SEZ6L2: variants seen among roughly 807,000 people sequenced by gnomAD.
SEZ6L2 encodes the protein seizure related 6 homolog like 2.
Under a neutral mutation model 97.0 loss-of-function variants are expected in SEZ6L2, and 44 were observed. That is an observed-to-expected ratio of 0.45 (90% confidence interval 0.36 to 0.58). SEZ6L2 has a LOEUF of 0.58. SEZ6L2 is among the 20% of genes least tolerant of loss of function. The pLI is 0.00. For synonymous variants in SEZ6L2, 543 were observed against 546.1 expected (o/e 0.99, Z 0.08); for missense variants, 1,086 against 1,233.3 (o/e 0.88, Z 1.79).
At chr16:29,898,888 G>A in intron 1 of SEZ6L2, 53 bp downstream of exon 1, 1 of 1,406,346 alleles carries the variant, frequency 7.1e-7, no homozygotes, top group Non-Finnish European at 9.9e-7. Context: ...GGAGGGTGGA[G>A]GACCCCGCTG....
intron 17 of SEZ6L2, 64 bp from the exon 18 acceptor site, chr16:29,871,792 G>T: frequency 6.8e-7 from 1 of 1,474,010 alleles, no homozygotes; most frequent in Non-Finnish European, 9.4e-7. Context: ...CAGCCGAATG[G>T]GAGGAGGGGC....
chr16:29,895,438 T>C lies in SEZ6L2; in HGVS notation c.674A>G (p.Gln225Arg), dbSNP rs144818584. The change falls in exon 5 of 18, where the codon CAG becomes CGG. Residue 225 changes from glutamine (Q) to arginine (R), a missense_variant. Gln to Arg is a conservative substitution (Grantham distance 43). Transcript: ENST00000617533. ...EIQVQTLNLS[Q>R]EEELLVLAGG... ...AGCCAGCACCAGGAGCTCCTCTTCC[T>C]GTGACAGGTTCAGCGTCTGCACCTA... 3.1e-6 allele frequency: 5 copies of C among 1,613,944 alleles called. No individual in the cohort carries two copies. In the African/African-American group the frequency reaches 6.7e-5, roughly 22 times the overall value.
intron 9 of SEZ6L2, among the ~76,000 whole-genome samples, chr16:29,878,994 G>A (rs2067973833): frequency 2.0e-5 from 3 of 150,538 alleles, no homozygotes; most frequent in East Asian, 2.0e-4. Flanking sequence ...TCTCCACCTC[G>A]CAGACTCAAG....
At position 29,873,627 on chromosome 16, in the gene SEZ6L2, C is replaced by T; in HGVS notation, c.2207G>A (p.Gly736Glu). 6.2e-7 allele frequency: 1 copy of T among 1,614,054 alleles called. No individual in the cohort carries two copies. Among genetic ancestry groups the T allele is most frequent in the African/African-American group, 1.3e-5 (1 of 75,036 alleles). ...GSHVQYRCLPGYSLEGAAMLT... is the reference protein window; with the variant it reads ...GSHVQYRCLPEYSLEGAAMLT... ...CATGGCTGCCCCCTCGAGGCTGTAC[C>T]CTGGCAGGCAGCGGTACTGGACGTG... Residue 736 changes from glycine (G) to glutamate (E), a missense_variant, in exon 13 of 18, where the codon GGG becomes GAG. Physicochemically the swap from Gly to Glu is moderately conservative, Grantham distance 98 (BLOSUM62 -2). Transcript: ENST00000617533. The surrounding 1 kb of genome is among the most constrained non-coding windows in gnomAD (Gnocchi z 4.3).
At chr16:29,893,412 C>G (rs1006261464) in intron 5 of SEZ6L2, among the ~76,000 whole-genome samples, 1 of 151,914 alleles carries the variant, frequency 6.6e-6, no homozygotes, top group Non-Finnish European at 1.5e-5. Flanking sequence ...TTTGGGAGGC[C>G]AAGGCGGGTG....
rs144592458 is a variant in SEZ6L2, at chr16:29,895,453, G to A, written c.659C>T (p.Thr220Met). The change falls in exon 5 of 18, where the codon ACG becomes ATG. Residue 220 changes from threonine (T) to methionine (M), a missense_variant. Coordinates refer to ENST00000617533, the MANE Select transcript of SEZ6L2 (RefSeq NM_001243332.2). ...CTCCTCTTCCTGTGACAGGTTCAGCGTCTGCACCTAGAGAAGCCAGACACA... is the reference window on the plus strand; with the variant it reads ...CTCCTCTTCCTGTGACAGGTTCAGCATCTGCACCTAGAGAAGCCAGACACA... Reference protein sequence around the residue: ...PGYGIEIQVQTLNLSQEEELL... With the variant: ...PGYGIEIQVQMLNLSQEEELL... 2.2e-4 allele frequency: 353 copies of A among 1,613,926 alleles called. 1 individual carries two copies. In the African/African-American group the frequency reaches 3.7e-3, roughly 17 times the overall value.
In SEZ6L2 at chr16:29,876,736, C is replaced by T; in HGVS notation, c.2104+20G>A. 2 of 1,515,978 alleles carry T rather than the reference C, an allele frequency of 1.3e-6. No individual in the cohort carries two copies. The highest frequency in any genetic ancestry group is 1.8e-6 in the Non-Finnish European group (2 of 1,127,242). 93.9% of individuals were successfully genotyped at this position (1,515,978 alleles called of 1,614,324 possible). A position where few individuals can be genotyped will look rare whatever the true frequency, so the allele number is the denominator to read the frequency against. ...CAGGGAAGGGGCGGGGCCGAGGGGA[C>T]GCGGGCGGGGCCGGCTCACTCTTTT... On this transcript the variant is annotated intron_variant, in intron 12 of 17. Coordinates refer to ENST00000617533, the MANE Select transcript of SEZ6L2 (RefSeq NM_001243332.2). The surrounding 1 kb of genome is among the most constrained non-coding windows in gnomAD (Gnocchi z 6.5).
Position 29,872,198 on chromosome 16 carries a change from A to C in SEZ6L2, c.2731T>G (p.Tyr911Asp). 6.2e-7 allele frequency: 1 copy of C among 1,606,284 alleles called. No individual in the cohort carries two copies. Among genetic ancestry groups the C allele is most frequent in the Non-Finnish European group, 8.5e-7 (1 of 1,176,220 alleles). Residue 911 changes from tyrosine to aspartate, a missense_variant, in exon 17 of 18, where the codon TAT (tyrosine) becomes GAT (aspartate). Physicochemically the swap from Tyr to Asp is radical, Grantham distance 160. This residue lies in a region of SEZ6L2 where 310 missense variants were observed against 438.6 expected (regional missense o/e 0.71). Coordinates refer to ENST00000617533, the MANE Select transcript of SEZ6L2 (RefSeq NM_001243332.2). ...TVESDFSNPL[Y>D]EAGDTREYEV... ...GGCAAGGTGCTTACCCCAGCTTCAT[A>C]CAGCGGGTTGCTGAAGTCCGACTCC...
intron 5 of SEZ6L2, among the ~76,000 whole-genome samples, chr16:29,892,413 A>G (rs888032496): frequency 6.6e-6 from 1 of 152,228 alleles, no homozygotes; most frequent in African/African-American, 2.4e-5. Flanking sequence ...GTGGGGAGCC[A>G]TATCTTCAGA....
chr16:29,880,938 ATT>A (rs72168896), intron 8 of SEZ6L2, among the ~76,000 whole-genome samples: 1 of 134,288 alleles, frequency 7.4e-6, no homozygotes. Flanking sequence ...TCATTTTCTG[ATT>A]TTTTTTTTTT....
rs755589385 is a variant in SEZ6L2, at chr16:29,895,802, C to T, written c.570G>A (p.Gly190=). The T allele has an allele frequency of 6.2e-7, 1 of 1,614,036 alleles. No homozygotes were observed. Among genetic ancestry groups the T allele is most frequent in the Admixed American group, 1.7e-5 (1 of 60,006 alleles). The change falls in exon 4 of 18, where the codon GGG becomes GGA. Residue 190 remains glycine, a synonymous_variant. Coordinates refer to ENST00000617533, the MANE Select transcript of SEZ6L2 (RefSeq NM_001243332.2). ...GCCCCAGGGTGCGGCTGACGGGGCTCCCCAGATCTGGAGACTCCACATACC... is the reference window on the plus strand; with the variant it reads ...GCCCCAGGGTGCGGCTGACGGGGCTTCCCAGATCTGGAGACTCCACATACC... ...GEGYVESPDL[G]SPVSRTLGLL...
Position 29,885,594 on chromosome 16 carries a change from C to A in SEZ6L2, c.1364G>T (p.Arg455Leu). 1.2e-6 allele frequency: 2 copies of A among 1,613,182 alleles called. No individual in the cohort carries two copies. Among genetic ancestry groups the A allele is most frequent in the South Asian group, 1.1e-5 (1 of 91,026 alleles). The change falls in exon 8 of 18, where the codon CGA (arginine) becomes CTA (leucine). Residue 455 changes from arginine to leucine, a missense_variant. Around this residue, in one of 2 missense-constraint regions of SEZ6L2, gnomAD observed 776 missense variants for 794.7 expected, o/e 0.98. Coordinates refer to ENST00000617533, the MANE Select transcript of SEZ6L2 (RefSeq NM_001243332.2). Reference protein sequence around the residue: ...TPANPLLLSLRFEAFEEDRCF... With the variant: ...TPANPLLLSLLFEAFEEDRCF... ...GGGAGTGGGTCACTTACCTTCAAAT[C>A]GAAGGCTTAACAGCAGGGGATTGGC...
chr16:29,872,769 T>G, intron 14 of SEZ6L2, 26 bp from the exon 15 acceptor site: 3 of 1,384,158 alleles, frequency 2.2e-6, no homozygotes, highest in Non-Finnish European at 3.0e-6. Context: ...GGGGAGGGGA[T>G]GGGGTCTGAG....
At chr16:29,878,624 G>A (rs1264629990) in intron 9 of SEZ6L2, among the ~76,000 whole-genome samples, 199 bp from the exon 10 acceptor site, 3 of 150,602 alleles carry the variant, frequency 2.0e-5, no homozygotes, top group Non-Finnish European at 3.0e-5. Context: ...TCTCTCTGTC[G>A]CCCAGGCTGG....
In SEZ6L2 at chr16:29,878,332, C is replaced by A; in HGVS notation, c.1667G>T (p.Gly556Val). 6.2e-7 allele frequency: 1 copy of A among 1,602,230 alleles called. No homozygotes were observed. The highest frequency in any genetic ancestry group is 2.3e-5 in the East Asian group (1 of 44,234). Residue 556 changes from glycine to valine, a missense_variant, in exon 10 of 18, where the codon GGC (glycine) becomes GTC (valine). Coordinates refer to ENST00000617533, the MANE Select transcript of SEZ6L2 (RefSeq NM_001243332.2). ...SYSPGQDCVW[G>V]VHVQEEKRIL... ...GCGCTTCTCTTCCTGGACGTGCACG[C>A]CCCACACGCAGTCTTGGCCCGGGCT...
At position 29,876,574 on chromosome 16, in the gene SEZ6L2, C is replaced by T. The variant is rs1287772020; in HGVS notation, c.2104+182G>A. On this transcript the variant is annotated intron_variant, in intron 12 of 17. Coordinates refer to ENST00000617533, the MANE Select transcript of SEZ6L2 (RefSeq NM_001243332.2). The surrounding 1 kb of genome is among the most constrained non-coding windows in gnomAD (Gnocchi z 6.5). ...GAGGGAGACCCAGAGGGGACAGTTT[C>T]GGGGAACCGGGCGGAGGAGTGAGAA... is the stretch of plus-strand genomic sequence containing the variant. 6.6e-6 allele frequency among the ~76,000 whole-genome samples: 1 copy of T among 151,932 alleles called. No homozygotes were observed. Among genetic ancestry groups the T allele is most frequent in the African/African-American group, 2.4e-5 (1 of 41,356 alleles).
chr16:29,889,614 CTTTTTTTTTTTT>C (rs869108927), intron 5 of SEZ6L2, among the ~76,000 whole-genome samples: 3,293 of 70,552 alleles, frequency 0.047, 134 homozygotes, highest in African/African-American at 0.13. Context: ...CTTGAAACTT[CTTTTTTTTTTTT>C]TTTTTTTTTT....
At chr16:29,889,284 C>T (rs1413962941) in intron 5 of SEZ6L2, among the ~76,000 whole-genome samples, 2 of 151,946 alleles carry the variant, frequency 1.3e-5, no homozygotes, top group East Asian at 3.9e-4. Context: ...CTAAAAAATA[C>T]GAAAATTAGC....
rs775507303 is a variant in SEZ6L2, at chr16:29,872,567, G to C, written c.2528-41C>G. ...AGGCCGGTGAGCTGTGGCTGGGCCC[G>C]GTCCTGGGCTCTCCCAGCCTCCTGC... On this transcript the variant is annotated intron_variant, in intron 15 of 17. Coordinates refer to ENST00000617533, the MANE Select transcript of SEZ6L2 (RefSeq NM_001243332.2). 5.0e-6 allele frequency: 8 copies of C among 1,604,390 alleles called. No individual in the cohort carries two copies. In the Admixed American group the frequency reaches 1.0e-4, roughly 20 times the overall value.
Sources: allele counts gnomAD v4.1 joint callset (sites outside exome capture counted in the v4.1 genomes callset), GRCh38; gene constraint gnomAD v4.1.1; regional missense constraint gnomAD v4.1.1; non-coding constraint Gnocchi (gnomAD v3.1); transcripts MANE v1.5; gene names NCBI Gene and HGNC (gene_info 2026-07-23, HGNC 2026-07-21).